The following FBLN5 variants were observed in gnomAD, a reference collection of about 807,000 sequenced individuals.
The protein encoded by FBLN5 is fibulin 5.
FBLN5 carries 24 observed loss-of-function variants against 61.6 expected under a neutral mutation model. The ratio of observed to expected loss-of-function variants is 0.39; its 90% CI spans 0.28 to 0.55. The LOEUF is 0.55. Ranked by LOEUF, FBLN5 falls within the 20% of genes least tolerant of loss-of-function variation. The probability of loss-of-function intolerance (pLI) is 0.65; values close to 1 mark genes in which losing one functional copy is unlikely to be tolerated. For missense variants in FBLN5, 470 were observed against 594.1 expected (o/e 0.79, Z 2.17); for synonymous variants, 213 against 219.8 (o/e 0.97, Z 0.27).
At position 91,939,710 on chromosome 14, in the gene FBLN5, A is replaced by G. The variant is rs191494336; in HGVS notation, c.124+855T>C. ...CCTCTTCTTTTGCAGAGTCCATTGC[A>G]AAAGATGGCATGCTAAGAGAATGAC... On this transcript the variant is annotated intron_variant, in intron 3 of 10. Coordinates refer to ENST00000342058, the MANE Select transcript of FBLN5 (RefSeq NM_006329.4). The G allele has an allele frequency of 1.4e-5, 4 of 295,146 alleles. No homozygotes were observed. In the Admixed American group the frequency reaches 1.8e-4, roughly 13 times the overall value. 18.3% of individuals were successfully genotyped at this position (295,146 alleles called of 1,614,324 possible).
chr14:91,878,370 T>C (rs1889269660), intron 9 of FBLN5, among the ~76,000 whole-genome samples: 1 of 152,160 alleles, frequency 6.6e-6, no homozygotes, highest in Non-Finnish European at 1.5e-5. Context: ...TAATATAAAA[T>C]CACTGACTTT....
At position 91,943,890 on chromosome 14, in the gene FBLN5, C is replaced by G. The variant is rs528249926; in HGVS notation, c.18-929G>C. Reference sequence around the variant, plus strand: ...CTGCACAGCCCAGGGAAAATGAAACCCGCGGGAAAACAGGAGGAGGAGTCA... The same window carrying G: ...CTGCACAGCCCAGGGAAAATGAAACGCGCGGGAAAACAGGAGGAGGAGTCA... On this transcript the variant is annotated intron_variant, in intron 1 of 10. Coordinates refer to ENST00000342058, the MANE Select transcript of FBLN5 (RefSeq NM_006329.4). This position sits in a 1 kb window ranked among gnomAD's most constrained non-coding sequence, Gnocchi z 4.0. Among the ~76,000 whole-genome samples, 3 of 152,298 alleles carry G rather than the reference C, an allele frequency of 2.0e-5. No individual in the cohort carries two copies. Among genetic ancestry groups the G allele is most frequent in the South Asian group, 4.1e-4 (2 of 4,820 alleles).
At chr14:91,907,555 C>T (rs887505655) in intron 4 of FBLN5, among the ~76,000 whole-genome samples, 1 of 152,030 alleles carries the variant, frequency 6.6e-6, no homozygotes, top group African/African-American at 2.4e-5. Context: ...GGGGGAGCTT[C>T]ACTGGAGCAG....
At chr14:91,871,429 C>T (rs1213170847) in intron 10 of FBLN5, among the ~76,000 whole-genome samples, 1 of 152,102 alleles carries the variant, frequency 6.6e-6, no homozygotes, top group Non-Finnish European at 1.5e-5. Context: ...CTAATAATTT[C>T]GCGTGAACTC....
At chr14:91,911,549 A>C (rs951419425) in intron 4 of FBLN5, among the ~76,000 whole-genome samples, 4 of 152,216 alleles carry the variant, frequency 2.6e-5, no homozygotes, top group Non-Finnish European at 5.9e-5. Context: ...ACCTCCTAAA[A>C]GAAAAAATAA....
chr14:91,941,470 C>A (rs922206785), intron 2 of FBLN5, among the ~76,000 whole-genome samples: 1 of 152,172 alleles, frequency 6.6e-6, no homozygotes, highest in Admixed American at 6.5e-5. Flanking sequence ...GCTCCCATCC[C>A]TGGCCTTTTC....
At chr14:91,881,121 A>ACACCCC (rs71123306) in intron 9 of FBLN5, among the ~76,000 whole-genome samples, 171 bp downstream of exon 9, 11 of 1,024 alleles carry the variant, frequency 0.011, no homozygotes, top group Admixed American at 0.018. Flanking sequence ...GTTCTATTCT[A>ACACCCC]CACACACACA....
intron 3 of FBLN5, among the ~76,000 whole-genome samples, chr14:91,939,557 G>T (rs1416992550): frequency 6.6e-6 from 1 of 152,034 alleles, no homozygotes. Flanking sequence ...GGCCAGGCTG[G>T]TCTCGCACTC....
At chr14:91,898,310 T>C (rs1278193756) in intron 4 of FBLN5, among the ~76,000 whole-genome samples, 1 of 152,066 alleles carries the variant, frequency 6.6e-6, no homozygotes, top group East Asian at 1.9e-4. Flanking sequence ...AATGAACACA[T>C]GAACGGCAAA....
intron 5 of FBLN5, 25 bp from the exon 6 acceptor site, chr14:91,891,362 T>A: frequency 6.9e-7 from 1 of 1,443,910 alleles, no homozygotes; most frequent in Non-Finnish European, 9.8e-7. Flanking sequence ...GCAAGCAAAG[T>A]GAGACAGGTC....
chr14:91,885,749 CAG>C (rs1294678574), intron 7 of FBLN5, among the ~76,000 whole-genome samples: 8 of 152,154 alleles, frequency 5.3e-5, no homozygotes, highest in Non-Finnish European at 1.0e-4. Flanking sequence ...ATGGCCTATG[CAG>C]TAGGGCAATA....
intron 4 of FBLN5, among the ~76,000 whole-genome samples, chr14:91,920,017 T>C (rs1350319496): frequency 1.3e-5 from 2 of 152,188 alleles, no homozygotes; most frequent in Non-Finnish European, 2.9e-5. Context: ...AGAGTTCTTG[T>C]TGACTAGAAC....
Position 91,929,080 on chromosome 14 carries a change from A to AACAC in FBLN5, c.379+7863_379+7866dup, listed in dbSNP as rs113397883. Among the ~76,000 whole-genome samples, 274 of 143,272 alleles carry AACAC rather than the reference A, an allele frequency of 1.9e-3. 2 individuals are homozygous for AACAC. The highest frequency in any genetic ancestry group is 2.2e-3 in the South Asian group (10 of 4,468). The allele number at this position is 143,272 out of a possible 152,430, so 94.0% of individuals were successfully genotyped here. On this transcript the variant is annotated intron_variant, in intron 4 of 10. Transcript: ENST00000342058. ...CTCAAAAAAAAAGACCCTGTCTCAA[A>AACAC]ACACACACACACACACACACACACA...
chr14:91,919,261 G>A (rs1035525828), intron 4 of FBLN5, among the ~76,000 whole-genome samples: 1 of 148,208 alleles, frequency 6.7e-6, no homozygotes, highest in African/African-American at 2.5e-5. Flanking sequence ...AACTTGGGAG[G>A]TAGAGGTTGC....
intron 4 of FBLN5, among the ~76,000 whole-genome samples, chr14:91,896,925 G>A (rs1890250135): frequency 6.6e-6 from 1 of 152,208 alleles, no homozygotes; most frequent in Non-Finnish European, 1.5e-5. Flanking sequence ...GCCTTGTGTA[G>A]CATAGGGCTT....
chr14:91,897,996 G>A (rs750134081), intron 4 of FBLN5, among the ~76,000 whole-genome samples: 8 of 152,166 alleles, frequency 5.3e-5, no homozygotes, highest in Non-Finnish European at 1.0e-4. Context: ...CCTATGGTGA[G>A]CCAAGACTGC....
chr14:91,897,374 C>A (rs187717762), intron 4 of FBLN5, among the ~76,000 whole-genome samples: 1 of 152,186 alleles, frequency 6.6e-6, no homozygotes, highest in East Asian at 1.9e-4. Context: ...GTGCCACTAT[C>A]GGCTGGTGCG....
At chr14:91,884,060 G>A (rs750692510) in intron 7 of FBLN5, among the ~76,000 whole-genome samples, 38 of 152,142 alleles carry the variant, frequency 2.5e-4, no homozygotes, top group Non-Finnish European at 4.6e-4. Flanking sequence ...ACATGTCCTC[G>A]GATTACTCTC....
At chr14:91,940,736 C>T (rs996332727) in intron 2 of FBLN5, 120 bp from the exon 3 acceptor site, 1 of 776,588 alleles carries the variant, frequency 1.3e-6, no homozygotes, top group Non-Finnish European at 2.3e-6. Context: ...AATACCAATA[C>T]CTGTATTATA....
Sources: gnomAD v4.1 joint callset for allele counts (sites outside exome capture counted in the v4.1 genomes callset) on GRCh38, gnomAD v4.1.1 for gene constraint, Gnocchi (gnomAD v3.1) non-coding constraint, MANE v1.5 for transcripts, NCBI Gene and HGNC (gene_info 2026-07-23, HGNC 2026-07-21) for gene names.